HSPG2: variants seen among roughly 807,000 people sequenced by gnomAD.
HSPG2 encodes the protein heparan sulfate proteoglycan 2.
HSPG2 carries 278 observed loss-of-function variants against 526.6 expected under a neutral mutation model. That is an observed-to-expected ratio of 0.53 (90% CI 0.48 to 0.58). The LOEUF (loss-of-function observed/expected upper bound fraction) is 0.58. HSPG2 is among the 20% of genes least tolerant of loss of function. The pLI is 0.00. For missense variants in HSPG2, 5,354 were observed against 6,099.5 expected (o/e 0.88, Z 4.07); for synonymous variants, 2,465 against 2,555.4 (o/e 0.96, Z 1.07).
chr1:21,876,722 C>T, intron 21 of HSPG2, 70 bp from the exon 22 acceptor site: 3 of 1,600,702 alleles, frequency 1.9e-6, no homozygotes, highest in Admixed American at 1.7e-5. Flanking sequence ...GCCGAATCCA[C>T]CCTCAGTCCA....
intron 1 of HSPG2, among the ~76,000 whole-genome samples, chr1:21,914,718 C>T (rs1022632490): frequency 7.2e-5 from 11 of 152,176 alleles, no homozygotes; most frequent in African/African-American, 2.4e-4. Context: ...CCATCCACTT[C>T]GCAGATGACT....
At chr1:21,823,779 G>T in intron 95 of HSPG2, 60 bp from the exon 96 acceptor site, 1 of 1,304,134 alleles carries the variant, frequency 7.7e-7, no homozygotes, top group Non-Finnish European at 1.1e-6. Flanking sequence ...CCGGCCCCAC[G>T]ACAGAGTCCC....
chr1:21,869,758 A>C (rs1005728036), intron 33 of HSPG2: 2 of 983,364 alleles, frequency 2.0e-6, no homozygotes, highest in Non-Finnish European at 2.4e-6. Context: ...CCAGCCAGCC[A>C]CCCGCTCTGC....
Position 21,848,731 on chromosome 1 carries a change from G to A in HSPG2, c.7649C>T (p.Thr2550Ile), listed in dbSNP as rs1638650164. 6.2e-7 allele frequency: 1 copy of A among 1,613,846 alleles called. No homozygotes were observed. The highest frequency in any genetic ancestry group is 8.5e-7 in the Non-Finnish European group (1 of 1,179,982). Reference protein sequence around the residue: ...SSSASLANGHTLDLNCLVASQ... With the variant: ...SSSASLANGHILDLNCLVASQ... ...GGCAACCAGGCAGTTGAGGTCCAGG[G>A]TGTGTCCATTGGCCAGGGAGGCTGA... Residue 2550 changes from threonine (T) to isoleucine (I), a missense_variant, in exon 59 of 97, where the codon ACC (threonine) becomes ATC (isoleucine). Coordinates refer to ENST00000374695, the MANE Select transcript of HSPG2 (RefSeq NM_005529.7). The surrounding 1 kb of genome is among the most constrained non-coding windows in gnomAD (Gnocchi z 4.9).
rs780063258 is a variant in HSPG2, at chr1:21,879,107, G to T, written c.2358C>A (p.Asn786Lys). Residue 786 changes from asparagine to lysine, a missense_variant, in exon 18 of 97, where the codon AAC becomes AAA. Asn to Lys is a moderately conservative substitution (Grantham distance 94). Coordinates refer to ENST00000374695, the MANE Select transcript of HSPG2 (RefSeq NM_005529.7). ...ACTTGTTGCACTGTGGCCCCTCCGT[G>T]TTGTGCTGGCAATTCTAGAAGAAGG... is the stretch of plus-strand genomic sequence containing the variant. Reference protein sequence around the residue: ...VYGHCLNCQHNTEGPQCNKCK... With the variant: ...VYGHCLNCQHKTEGPQCNKCK... 2 of 1,614,262 alleles carry T rather than the reference G, an allele frequency of 1.2e-6. No homozygotes were observed. Among genetic ancestry groups the T allele is most frequent in the East Asian group, 4.5e-5 (2 of 44,888 alleles).
rs1639382066 is a variant in HSPG2, at chr1:21,856,908, C to T, written c.5575+107G>A. The T allele has an allele frequency of 4.2e-6, 5 of 1,199,448 alleles. No homozygotes were observed. The Admixed American group carries it at 6.8e-5, about 16-fold the overall frequency. 74.3% of individuals were successfully genotyped at this position (1,199,448 alleles called of 1,614,324 possible). On this transcript the variant is annotated intron_variant, in intron 44 of 96. Coordinates refer to ENST00000374695, the MANE Select transcript of HSPG2 (RefSeq NM_005529.7). ...AGAGCCTAGACCAGGACCAGGCATG[C>T]AGCAGGTGCTCAGAAATGATCAGCA...
chr1:21,844,038 G>T, intron 65 of HSPG2, 110 bp downstream of exon 65: 1 of 1,438,454 alleles, frequency 7.0e-7, no homozygotes, highest in Non-Finnish European at 9.6e-7. Flanking sequence ...ACCTCCTGCT[G>T]CCATTTCCCA....
In HSPG2 at chr1:21,846,463, G is replaced by A. The variant is rs2152711496; in HGVS notation, c.8301C>T (p.Leu2767=). ...QVTWHKRGGS[L]PSHHQTRGSR... is the part of the protein sequence containing the mutation. ...AGCTGCATACCTGATGGTGACTGGG[G>A]AGGCTGCCCCCACGCTTGTGCCAAG... The change falls in exon 63 of 97, where the codon CTC becomes CTT. Residue 2767 remains leucine (L), a synonymous_variant. Transcript: ENST00000374695. The A allele has an allele frequency of 3.1e-6, 5 of 1,613,606 alleles. No individual in the cohort carries two copies. Among genetic ancestry groups the A allele is most frequent in the Admixed American group, 1.7e-5 (1 of 60,032 alleles).
Position 21,888,052 on chromosome 1 carries a change from T to G in HSPG2, c.589A>C (p.Arg197=). The stretch of plus-strand genomic sequence containing the variant: ...GCAAACTCGGCCTCCGTGCAGGCTC[T>G]TGGGAACTGGGGCACTGCAGGTGGA... The part of the protein sequence containing the change: ...RRLGTVPQFP[R]ACTEAEFACH... The change falls in exon 7 of 97, where the codon AGA becomes CGA. Residue 197 remains arginine, a synonymous_variant. Coordinates refer to ENST00000374695, the MANE Select transcript of HSPG2 (RefSeq NM_005529.7). 1 of 1,614,038 alleles carries G rather than the reference T, an allele frequency of 6.2e-7. No individual in the cohort carries two copies. The highest frequency in any genetic ancestry group is 1.1e-5 in the South Asian group (1 of 91,070).
intron 91 of HSPG2, chr1:21,825,083 A>C (rs759565111): frequency 6.7e-6 from 3 of 447,864 alleles, no homozygotes; most frequent in Non-Finnish European, 1.2e-5. Context: ...TTTGCTTATC[A>C]CATGACAGTA....
At chr1:21,837,148 C>T (rs1030374062) in intron 74 of HSPG2, 142 bp from the exon 75 acceptor site, 16 of 773,010 alleles carry the variant, frequency 2.1e-5, no homozygotes, top group Non-Finnish European at 3.1e-5. Context: ...AAAGACCGTT[C>T]AGTGGCAGAT....
rs777226788 is a variant in HSPG2, at chr1:21,836,881, C to T, written c.10276G>A (p.Asp3426Asn). Residue 3426 changes from aspartate (D) to asparagine (N), a missense_variant, in exon 75 of 97, where the codon GAC (aspartate) becomes AAC (asparagine). Physicochemically the swap from Asp to Asn is conservative, Grantham distance 23 (BLOSUM62 1). Coordinates refer to ENST00000374695, the MANE Select transcript of HSPG2 (RefSeq NM_005529.7). Reference protein sequence around the residue: ...SVEFHCAVPSDRGTQLRWFKE... With the variant: ...SVEFHCAVPSNRGTQLRWFKE... ...AACCAACGGAGCTGGGTACCCCGGT[C>T]GCTGGGCACAGCACAGTGGAACTCA... 9.5e-6 allele frequency: 15 copies of T among 1,574,546 alleles called. No homozygotes were observed. The South Asian group carries it at 1.2e-4, about 12-fold the overall frequency.
chr1:21,924,213 A>AG (rs1644122957), intron 1 of HSPG2, among the ~76,000 whole-genome samples: 1 of 152,220 alleles, frequency 6.6e-6, no homozygotes, highest in African/African-American at 2.4e-5. Context: ...AGCAGGGAAT[A>AG]GCCAGGCGCA....
chr1:21,843,212 C>T, intron 66 of HSPG2, 85 bp downstream of exon 66: 1 of 1,586,886 alleles, frequency 6.3e-7, no homozygotes, highest in Non-Finnish European at 8.6e-7. Context: ...CAATAAGTGC[C>T]CGGCTGGGAG....
At chr1:21,921,648 T>C (rs1050806625) in intron 1 of HSPG2, among the ~76,000 whole-genome samples, 1 of 152,160 alleles carries the variant, frequency 6.6e-6, no homozygotes, top group Non-Finnish European at 1.5e-5. Context: ...AGAGTAATCA[T>C]TAACCAGCGC....
In HSPG2 at chr1:21,839,789, C is replaced by G; in HGVS notation, c.9709+33G>C. ...TTTCAGACCCCAGGGCATCCCTGCC[C>G]TGCCAGCCCTATGTGCCAGCCCTTG... On this transcript the variant is annotated intron_variant, in intron 72 of 96. Coordinates refer to ENST00000374695, the MANE Select transcript of HSPG2 (RefSeq NM_005529.7). This position sits in a 1 kb window ranked among gnomAD's most constrained non-coding sequence, Gnocchi z 4.5. 6.2e-7 allele frequency: 1 copy of G among 1,609,256 alleles called. No homozygotes were observed. The highest frequency in any genetic ancestry group is 1.1e-5 in the South Asian group (1 of 90,966).
chr1:21,905,498 T>C (rs975553483), intron 1 of HSPG2, among the ~76,000 whole-genome samples: 2 of 152,146 alleles, frequency 1.3e-5, no homozygotes, highest in Non-Finnish European at 2.9e-5. Context: ...TCCCAGCACA[T>C]TGGGAGGCCG....
rs1240118083 is a variant in HSPG2, at chr1:21,884,802, A to G, written c.1472T>C (p.Ile491Thr). The G allele has an allele frequency of 1.2e-6, 2 of 1,613,654 alleles. No homozygotes were observed. Among genetic ancestry groups the G allele is most frequent in the Admixed American group, 1.7e-5 (1 of 59,994 alleles). ...AMNARGMVFGIPDGVLELVPQ... is the reference protein window; with the variant it reads ...AMNARGMVFGTPDGVLELVPQ... ...GACGAGCTCAAGGACACCGTCAGGA[A>G]TGCCAAACACCATGCCCCGGGCGTT... The change falls in exon 12 of 97, where the codon ATT becomes ACT. Residue 491 changes from isoleucine (I) to threonine (T), a missense_variant. By Grantham distance (89) the Ile-to-Thr change is moderately conservative. Transcript: ENST00000374695.
intron 1 of HSPG2, among the ~76,000 whole-genome samples, chr1:21,907,197 G>C (rs937146332): frequency 1.3e-5 from 2 of 152,194 alleles, no homozygotes; most frequent in Non-Finnish European, 2.9e-5. Context: ...AGAAAGTCTG[G>C]AGGTACCTGT....
Sources: allele counts gnomAD v4.1 joint callset (sites outside exome capture counted in the v4.1 genomes callset), GRCh38; gene constraint gnomAD v4.1.1; non-coding constraint Gnocchi (gnomAD v3.1); transcripts MANE v1.5; gene names NCBI Gene and HGNC (gene_info 2026-07-23, HGNC 2026-07-21).